Variants in RNF130 observed in about 807,000 individuals in gnomAD.
RNF130 encodes the protein ring finger protein 130, also known as E3 ubiquitin-protein ligase RNF130.
In RNF130, 21 loss-of-function variants were observed where a neutral mutation model predicts 44.6. The ratio of observed to expected loss-of-function variants is 0.47; its 90% CI spans 0.33 to 0.68. RNF130 has a LOEUF of 0.68. Ranked by LOEUF, RNF130 falls within the 30% of genes least tolerant of loss-of-function variation. RNF130 has a pLI of 0.02. For synonymous variants in RNF130, 214 were observed against 210.4 expected (o/e 1.02, Z -0.15); for missense variants, 479 against 560.6 (o/e 0.85, Z 1.47).
chr5:179,939,485 A>T (rs930723233), intron 7 of RNF130: 2 of 201,038 alleles, frequency 9.9e-6, no homozygotes, highest in Non-Finnish European at 2.0e-5. Flanking sequence ...ATGCAAGCGC[A>T]GCAGCTGCTC....
intron 2 of RNF130, among the ~76,000 whole-genome samples, chr5:180,026,477 G>A (rs760858857): frequency 6.6e-6 from 1 of 152,132 alleles, no homozygotes; most frequent in Non-Finnish European, 1.5e-5. Flanking sequence ...ACATGACAAA[G>A]AACTCACTCT....
intron 3 of RNF130, among the ~76,000 whole-genome samples, chr5:179,995,922 G>A (rs1763187898): frequency 6.6e-6 from 1 of 152,196 alleles, no homozygotes; most frequent in Non-Finnish European, 1.5e-5. Context: ...AGTGGGTTAG[G>A]CATGCTGGAA....
chr5:179,986,882 A>G (rs1316508532), intron 3 of RNF130, among the ~76,000 whole-genome samples: 2 of 151,970 alleles, frequency 1.3e-5, no homozygotes, highest in African/African-American at 4.8e-5. Context: ...GGTTAAATTT[A>G]TTATTCTTAT....
intron 7 of RNF130, among the ~76,000 whole-genome samples, chr5:179,943,015 T>C (rs1441153911): frequency 1.3e-5 from 2 of 152,114 alleles, no homozygotes; most frequent in Non-Finnish European, 2.9e-5. Flanking sequence ...GCCAACATGG[T>C]GAAACACCGT....
chr5:179,983,300 C>T (rs1185362989), intron 3 of RNF130, among the ~76,000 whole-genome samples: 1 of 146,698 alleles, frequency 6.8e-6, no homozygotes. Flanking sequence ...AGGGTTCTGA[C>T]TCATTTTGTG....
chr5:180,055,290 A>AC (rs1764788928), intron 1 of RNF130, among the ~76,000 whole-genome samples: 1 of 100,054 alleles, frequency 1.0e-5, no homozygotes, highest in Non-Finnish European at 2.2e-5. Flanking sequence ...ACAAAAAAAA[A>AC]CAGCAAACAA....
At chr5:179,921,568 C>T (rs1406251961) in intron 7 of RNF130, among the ~76,000 whole-genome samples, 5 of 152,098 alleles carry the variant, frequency 3.3e-5, no homozygotes, top group Non-Finnish European at 5.9e-5. Flanking sequence ...GAGGCCAAGG[C>T]GGGTGGATCA....
intron 5 of RNF130, among the ~76,000 whole-genome samples, chr5:179,974,131 T>C (rs1008711243): frequency 4.6e-5 from 7 of 152,148 alleles, no homozygotes; most frequent in African/African-American, 1.7e-4. Context: ...TGCAGGATTA[T>C]TAAAGGTCCC....
At chr5:179,963,984 T>TCAAAGG (rs1407828854) in intron 7 of RNF130, 1 of 178,376 alleles carries the variant, frequency 5.6e-6, no homozygotes, top group African/African-American at 2.4e-5. Context: ...TCATTCTTAG[T>TCAAAGG]CAAAGGCTGA....
intron 8 of RNF130, among the ~76,000 whole-genome samples, chr5:179,960,138 G>T (rs1762294701): frequency 6.6e-6 from 1 of 152,264 alleles, no homozygotes; most frequent in South Asian, 2.1e-4. Context: ...ATTTCACAAG[G>T]TTTATATGAA....
chr5:179,947,514 G>A (rs111375098), intron 7 of RNF130, among the ~76,000 whole-genome samples: 5 of 152,338 alleles, frequency 3.3e-5, no homozygotes, highest in African/African-American at 9.6e-5. Context: ...TTGGAACACA[G>A]ACCCTGGGGG....
chr5:179,979,138 A>AT (rs1762775743), intron 4 of RNF130, among the ~76,000 whole-genome samples: 1 of 151,850 alleles, frequency 6.6e-6, no homozygotes, highest in Non-Finnish European at 1.5e-5. Context: ...ATTTCATACT[A>AT]TTGTGGCAGC....
chr5:179,986,186 A>C (rs1345175858), intron 3 of RNF130, among the ~76,000 whole-genome samples: 1 of 152,238 alleles, frequency 6.6e-6, no homozygotes, highest in African/African-American at 2.4e-5. Context: ...CAAAAAGTAT[A>C]AAGTTTTTGT....
chr5:180,034,299 T>C (rs1232206664), intron 2 of RNF130, among the ~76,000 whole-genome samples: 2 of 152,184 alleles, frequency 1.3e-5, no homozygotes, highest in Admixed American at 6.5e-5. Context: ...AAAAGAATTT[T>C]TGTGCCTACA....
chr5:179,933,869 T>C, intron 7 of RNF130: 1 of 783,550 alleles, frequency 1.3e-6, no homozygotes, highest in Middle Eastern at 4.0e-4. Context: ...ATGGTCCATG[T>C]TGCCAGCTGA....
intron 3 of RNF130, among the ~76,000 whole-genome samples, chr5:179,983,224 T>C (rs1002053908): frequency 6.6e-6 from 1 of 152,208 alleles, no homozygotes; most frequent in Non-Finnish European, 1.5e-5. Flanking sequence ...GCTTTGCCTA[T>C]TTCAAGGTTA....
At chr5:179,937,344 C>T (rs1761905998) in intron 7 of RNF130, among the ~76,000 whole-genome samples, 2 of 152,140 alleles carry the variant, frequency 1.3e-5, no homozygotes, top group African/African-American at 4.8e-5. Flanking sequence ...GAAACTCTTA[C>T]AACTCAACAG....
intron 1 of RNF130, among the ~76,000 whole-genome samples, chr5:180,053,059 C>T (rs1764725323): frequency 6.6e-6 from 1 of 152,140 alleles, no homozygotes; most frequent in Non-Finnish European, 1.5e-5. Context: ...AACAGAAGCA[C>T]TCAAGAACAC....
At chr5:180,062,003 T>C (rs1733855984) in intron 1 of RNF130, among the ~76,000 whole-genome samples, 1 of 152,008 alleles carries the variant, frequency 6.6e-6, no homozygotes, top group Admixed American at 6.5e-5. Flanking sequence ...GAGACTTCTT[T>C]GTGTCCTCAC....
Sources: gnomAD v4.1 joint callset for allele counts (sites outside exome capture counted in the v4.1 genomes callset) on GRCh38, gnomAD v4.1.1 for gene constraint, MANE v1.5 for transcripts, NCBI Gene and HGNC (gene_info 2026-07-23, HGNC 2026-07-21) for gene names.